The following PARP8 variants were observed in gnomAD, a reference collection of about 807,000 sequenced individuals.
PARP8 encodes protein mono-ADP-ribosyltransferase PARP8.
PARP8 carries 51 observed loss-of-function variants against 124.1 expected under a neutral mutation model. That is an observed-to-expected ratio of 0.41 (90% CI 0.33 to 0.52). The LOEUF (loss-of-function observed/expected upper bound fraction) is 0.52, where lower values mean the gene tolerates loss of function less well. PARP8 is among the 20% of genes least tolerant of loss of function. The probability of loss-of-function intolerance (pLI) is 0.21; values close to 1 mark genes in which losing one functional copy is unlikely to be tolerated. For synonymous variants in PARP8, 391 were observed against 361.5 expected (o/e 1.08, Z -0.93); for missense variants, 860 against 1,018.9 (o/e 0.84, Z 2.12).
chr5:50,753,597 T>A (rs946292742), intron 3 of PARP8, among the ~76,000 whole-genome samples: 29 of 152,128 alleles, frequency 1.9e-4, no homozygotes, highest in African/African-American at 7.0e-4. Flanking sequence ...CACTTACTAG[T>A]GTATAGTTAG....
At chr5:50,726,363 C>A (rs933254356) in intron 2 of PARP8, among the ~76,000 whole-genome samples, 2 of 152,066 alleles carry the variant, frequency 1.3e-5, no homozygotes, top group African/African-American at 2.4e-5. Context: ...TAATCTAGTT[C>A]ATTAGCTACT....
intron 2 of PARP8, among the ~76,000 whole-genome samples, chr5:50,706,979 C>G (rs1754215719): frequency 6.6e-6 from 1 of 152,006 alleles, no homozygotes; most frequent in Non-Finnish European, 1.5e-5. Context: ...TTATGGAAAT[C>G]ATTACTCAAG....
intron 2 of PARP8, among the ~76,000 whole-genome samples, chr5:50,712,745 G>T (rs77813027): frequency 2.0e-5 from 3 of 151,972 alleles, no homozygotes; most frequent in Non-Finnish European, 4.4e-5. Context: ...AGCATGCAGG[G>T]TGAGAAAGAA....
intron 2 of PARP8, among the ~76,000 whole-genome samples, chr5:50,702,936 T>G (rs1753745976): frequency 6.6e-6 from 1 of 152,148 alleles, no homozygotes. Flanking sequence ...CCTGTCCTCA[T>G]GGAGCTTGGC....
intron 17 of PARP8, among the ~76,000 whole-genome samples, chr5:50,823,038 C>T (rs1405585120): frequency 6.6e-6 from 1 of 152,216 alleles, no homozygotes; most frequent in Non-Finnish European, 1.5e-5. Context: ...TAAAACTTAT[C>T]ATTGTAAGTA....
At position 50,842,078 on chromosome 5, in the gene PARP8, A is replaced by G. The variant is rs796281320; in HGVS notation, c.*10A>G. 6 of 1,560,068 alleles carry G rather than the reference A, an allele frequency of 3.8e-6. No individual in the cohort carries two copies. The African/African-American group carries it at 6.9e-5, about 18-fold the overall frequency. On this transcript the variant is annotated 3_prime_UTR_variant, in exon 26 of 26. Transcript: ENST00000281631. ...AACTGCTACTGGTTAAAGGACCACC[A>G]TTTAATTAACATGATTCGAAAGCCT...
intron 2 of PARP8, among the ~76,000 whole-genome samples, chr5:50,677,774 T>C (rs1249893832): frequency 6.6e-6 from 1 of 152,146 alleles, no homozygotes; most frequent in Non-Finnish European, 1.5e-5. Flanking sequence ...AAATTTAGTA[T>C]GGCGATAGTT....
intron 2 of PARP8, among the ~76,000 whole-genome samples, chr5:50,719,373 T>C (rs1755647322): frequency 6.6e-6 from 1 of 152,094 alleles, no homozygotes; most frequent in Non-Finnish European, 1.5e-5. Flanking sequence ...ACCTATGCTT[T>C]TGATGTCTTA....
intron 2 of PARP8, among the ~76,000 whole-genome samples, chr5:50,727,814 G>A (rs569690326): frequency 6.6e-6 from 1 of 152,254 alleles, no homozygotes; most frequent in Non-Finnish European, 1.5e-5. Context: ...CCTTTGTCAA[G>A]TTATGGGGCC....
intron 2 of PARP8, chr5:50,669,499 T>G (rs1749754621): frequency 6.6e-6 from 1 of 152,236 alleles, no homozygotes; most frequent in Admixed American, 6.5e-5. Context: ...GGTGGGCTTT[T>G]CAAGTAACTA....
chr5:50,666,435 G>C (rs1393389961), upstream of PARP8: 1 of 151,956 alleles, frequency 6.6e-6, no homozygotes, highest in Non-Finnish European at 1.5e-5. Context: ...GAGTCTTCAC[G>C]ACCGCTCAGC....
rs560141864 is a variant in PARP8, at chr5:50,774,455, C to T, written c.519-3614C>T. ...CTCCTCACTTCCCAGCCAAGGCGGC[C>T]GGGCAGAGGCGCTCCTCACTTCCCA... On this transcript the variant is annotated intron_variant, in intron 7 of 25. Transcript: ENST00000281631. Among the ~76,000 whole-genome samples, 449 of 151,010 alleles carry T rather than the reference C, an allele frequency of 3.0e-3. 1 individual carries two copies. Among genetic ancestry groups the T allele is most frequent in the African/African-American group, 0.01 (413 of 41,178 alleles).
intron 14 of PARP8, among the ~76,000 whole-genome samples, chr5:50,812,847 A>G (rs933691768): frequency 1.3e-5 from 2 of 152,086 alleles, no homozygotes; most frequent in African/African-American, 4.8e-5. Flanking sequence ...TTATTAAATA[A>G]GGAATCCTTT....
chr5:50,819,861 G>A (rs1244463186), intron 15 of PARP8, among the ~76,000 whole-genome samples: 1 of 152,132 alleles, frequency 6.6e-6, no homozygotes, highest in Non-Finnish European at 1.5e-5. Flanking sequence ...AGAGTAGAAG[G>A]AATGTGAGGG....
At chr5:50,819,021 G>A (rs1247509304) in intron 15 of PARP8, among the ~76,000 whole-genome samples, 1 of 152,170 alleles carries the variant, frequency 6.6e-6, no homozygotes, top group African/African-American at 2.4e-5. Flanking sequence ...CCTTTCCACT[G>A]ATGATCTGGT....
At position 50,792,671 on chromosome 5, in the gene PARP8, A is replaced by T. The variant is rs74829498; in HGVS notation, c.738-1536A>T. Reference sequence around the variant, plus strand: ...TTATTATTACATTTAAATCCTGCTGAAATTTTGGGTAAAAAAAAATTCAAA... The same window carrying T: ...TTATTATTACATTTAAATCCTGCTGTAATTTTGGGTAAAAAAAAATTCAAA... On this transcript the variant is annotated intron_variant, in intron 10 of 25. Coordinates refer to ENST00000281631, the MANE Select transcript of PARP8 (RefSeq NM_024615.4). Among the ~76,000 whole-genome samples the T allele has an allele frequency of 6.6e-5, 10 of 152,224 alleles. No homozygotes were observed. In the East Asian group the frequency reaches 1.9e-3, roughly 29 times the overall value.
intron 2 of PARP8, among the ~76,000 whole-genome samples, chr5:50,672,455 G>GAC (rs1750138053): frequency 2.0e-5 from 3 of 152,194 alleles, no homozygotes; most frequent in Admixed American, 2.0e-4. Context: ...AAGATACTCA[G>GAC]ACACTTCAGG....
chr5:50,729,145 T>A (rs1756727246), intron 2 of PARP8, among the ~76,000 whole-genome samples: 1 of 152,152 alleles, frequency 6.6e-6, no homozygotes, highest in Non-Finnish European at 1.5e-5. Flanking sequence ...TTTGTTTTCC[T>A]ACTGCTTTGG....
At chr5:50,685,313 G>A (rs1328920483) in intron 2 of PARP8, among the ~76,000 whole-genome samples, 2 of 152,210 alleles carry the variant, frequency 1.3e-5, no homozygotes, top group Non-Finnish European at 2.9e-5. Context: ...TTTCTGGGTT[G>A]ATTGGTTTGG....
Sources: allele counts gnomAD v4.1 joint callset (sites outside exome capture counted in the v4.1 genomes callset), GRCh38; gene constraint gnomAD v4.1.1; transcripts MANE v1.5; gene names NCBI Gene and HGNC (gene_info 2026-07-23, HGNC 2026-07-21).